The following IMMT variants were observed in gnomAD, a reference collection of about 807,000 sequenced individuals.
IMMT encodes MICOS complex subunit MIC60.
A neutral mutation model predicts 92.7 loss-of-function variants in IMMT; 40 were observed. That is an observed-to-expected ratio of 0.43 (90% CI 0.34 to 0.56). The LOEUF (loss-of-function observed/expected upper bound fraction) is 0.56. IMMT is among the 20% of genes least tolerant of loss of function. The probability of loss-of-function intolerance (pLI) is 0.03; values close to 1 mark genes in which losing one functional copy is unlikely to be tolerated. For synonymous variants in IMMT, 322 were observed against 336.1 expected, an observed-to-expected ratio of 0.96 and a Z score of 0.46; for missense variants, 831 against 912.1, an observed-to-expected ratio of 0.91 and a Z score of 1.14.
chr2:86,144,473 A>T lies in IMMT; in HGVS notation c.2072T>A (p.Leu691Gln), dbSNP rs1461311760. ...CPEDINTFKL[L>Q]SYASYCIEHG... The stretch of plus-strand genomic sequence containing the variant: ...CTCAATGCAATAGGAAGCATATGAC[A>T]GTAATTTAAATGTGTTTATATCCTC... Residue 691 changes from leucine to glutamine, a missense_variant, in exon 15 of 15, where the codon CTG becomes CAG. Coordinates refer to ENST00000410111, the MANE Select transcript of IMMT (RefSeq NM_006839.3). 1.2e-6 allele frequency: 2 copies of T among 1,614,036 alleles called. No individual in the cohort carries two copies. Among genetic ancestry groups the T allele is most frequent in the East Asian group, 4.5e-5 (2 of 44,888 alleles).
At chr2:86,166,308 G>T (rs968285968) in intron 7 of IMMT, among the ~76,000 whole-genome samples, 200 bp downstream of exon 7, 21 of 152,208 alleles carry the variant, frequency 1.4e-4, no homozygotes, top group African/African-American at 5.1e-4. Flanking sequence ...TCCAGCCCGG[G>T]CGACAGAGCA....
At chr2:86,159,148 C>T (rs1676082272) in intron 9 of IMMT, 1 of 289,766 alleles carries the variant, frequency 3.5e-6, no homozygotes, top group South Asian at 3.4e-5. Flanking sequence ...TGCAGTGGCA[C>T]CATCTCAGCT....
intron 6 of IMMT, among the ~76,000 whole-genome samples, chr2:86,167,848 TTAAAGAAGGG>T (rs1676823904): frequency 6.6e-6 from 1 of 152,142 alleles, no homozygotes; most frequent in African/African-American, 2.4e-5. Flanking sequence ...TCAAAATTAT[TTAAAGAAGGG>T]TAATGTATTT....
chr2:86,191,787 C>T (rs951076745), intron 1 of IMMT, among the ~76,000 whole-genome samples: 1 of 148,544 alleles, frequency 6.7e-6, no homozygotes, highest in East Asian at 2.0e-4. Flanking sequence ...TGGTGGCAGG[C>T]GCCTGTAGTC....
chr2:86,167,477 GTTTT>G (rs796945734), intron 6 of IMMT, among the ~76,000 whole-genome samples: 1 of 39,564 alleles, frequency 2.5e-5, no homozygotes. Flanking sequence ...CCGGTTTTTT[GTTTT>G]TTGTTTTTTT....
chr2:86,186,417 T>C (rs1221637981), intron 1 of IMMT, among the ~76,000 whole-genome samples: 1 of 152,210 alleles, frequency 6.6e-6, no homozygotes, highest in Non-Finnish European at 1.5e-5. Context: ...TTATGTACAC[T>C]TCCCTTAAAC....
chr2:86,153,557 C>A lies in IMMT; in HGVS notation c.1177+3G>T. On this transcript the variant is annotated splice_donor_region_variant and intron_variant, in intron 11 of 14. Coordinates refer to ENST00000410111, the MANE Select transcript of IMMT (RefSeq NM_006839.3). ...TTAAACATGAAATATACATAACACTCACCTAAGTCTGAAACACCTACAAAG... is the reference window on the plus strand; with the variant it reads ...TTAAACATGAAATATACATAACACTAACCTAAGTCTGAAACACCTACAAAG... The A allele has an allele frequency of 1.4e-6, 2 of 1,474,146 alleles. No homozygotes were observed. The highest frequency in any genetic ancestry group is 2.4e-5 in the East Asian group (1 of 40,886). 91.3% of individuals were successfully genotyped at this position (1,474,146 alleles called of 1,614,324 possible).
At chr2:86,180,264 CTTTTT>C (rs1389276957) in intron 2 of IMMT, among the ~76,000 whole-genome samples, 3 of 151,668 alleles carry the variant, frequency 2.0e-5, no homozygotes, top group Non-Finnish European at 4.4e-5. Flanking sequence ...ACAATAAACT[CTTTTT>C]TTTATTTTTT....
At chr2:86,174,735 GCT>G (rs1424904686) in intron 3 of IMMT, among the ~76,000 whole-genome samples, 1 of 113,080 alleles carries the variant, frequency 8.8e-6, no homozygotes, top group Non-Finnish European at 2.1e-5. Flanking sequence ...CTTGTAACTT[GCT>G]CTTTTTTTAT....
intron 3 of IMMT, among the ~76,000 whole-genome samples, chr2:86,177,745 A>G (rs1045724941): frequency 1.3e-5 from 2 of 152,138 alleles, no homozygotes; most frequent in African/African-American, 4.8e-5. Context: ...TCTAAAAGGA[A>G]CCATTACTAA....
At chr2:86,166,483 A>C (rs1390009289) in intron 7 of IMMT, 25 bp downstream of exon 7, 5 of 1,584,054 alleles carry the variant, frequency 3.2e-6, no homozygotes, top group Non-Finnish European at 4.3e-6. Flanking sequence ...CAGCCAGAAC[A>C]CTTCTAATCA....
chr2:86,151,976 T>G (rs1675496115), intron 11 of IMMT, among the ~76,000 whole-genome samples: 1 of 152,252 alleles, frequency 6.6e-6, no homozygotes, highest in Non-Finnish European at 1.5e-5. Context: ...TTTACTTTTC[T>G]TAAACACATA....
At chr2:86,156,466 C>T (rs1321266089) in intron 10 of IMMT, among the ~76,000 whole-genome samples, 1 of 151,786 alleles carries the variant, frequency 6.6e-6, no homozygotes, top group African/African-American at 2.4e-5. Context: ...TGGTGGCACA[C>T]GCCTGTAGTC....
intron 12 of IMMT, among the ~76,000 whole-genome samples, chr2:86,148,217 TA>T (rs1269229375): frequency 1.3e-5 from 2 of 152,254 alleles, no homozygotes; most frequent in Non-Finnish European, 2.9e-5. Flanking sequence ...AGCGTAGCTT[TA>T]CTACAACCAT....
chr2:86,180,146 A>C (rs997952824), intron 2 of IMMT, among the ~76,000 whole-genome samples: 4 of 152,184 alleles, frequency 2.6e-5, no homozygotes, highest in Non-Finnish European at 4.4e-5. Flanking sequence ...AATATCTAGA[A>C]ATCTACCCTT....
chr2:86,157,117 C>A (rs1447026687), intron 10 of IMMT, among the ~76,000 whole-genome samples: 1 of 152,166 alleles, frequency 6.6e-6, no homozygotes, highest in African/African-American at 2.4e-5. Flanking sequence ...GCCTTCTTTG[C>A]TCGATGGTAG....
At chr2:86,159,079 G>C (rs1475073037) in intron 9 of IMMT, among the ~76,000 whole-genome samples, 2 of 149,750 alleles carry the variant, frequency 1.3e-5, no homozygotes, top group Non-Finnish European at 3.0e-5. Context: ...GGTGTCCAAG[G>C]CAAAAAAAAA....
chr2:86,163,478 G>A (rs915016513), intron 7 of IMMT, among the ~76,000 whole-genome samples: 2 of 152,206 alleles, frequency 1.3e-5, no homozygotes, highest in African/African-American at 4.8e-5. Flanking sequence ...CATGGTCACA[G>A]TACTGCTAAC....
chr2:86,174,879 T>TTTTGC (rs1677327916), intron 3 of IMMT, among the ~76,000 whole-genome samples: 1 of 152,224 alleles, frequency 6.6e-6, no homozygotes, highest in South Asian at 2.1e-4. Context: ...TCCTGTTTTG[T>TTTTGC]TTTGCTTTGC....
Sources: gnomAD v4.1 joint callset for allele counts (sites outside exome capture counted in the v4.1 genomes callset) on GRCh38, gnomAD v4.1.1 for gene constraint, MANE v1.5 for transcripts, NCBI Gene and HGNC (gene_info 2026-07-23, HGNC 2026-07-21) for gene names.